UBE2E2: variants seen among roughly 807,000 people sequenced by gnomAD.
The protein encoded by UBE2E2 is ubiquitin conjugating enzyme E2 E2.
In UBE2E2, 6 loss-of-function variants were observed where a neutral mutation model predicts 24.7. The observed-to-expected ratio is 0.24, with a 90% CI of 0.13 to 0.48. UBE2E2 has a LOEUF of 0.48. Among genes scored for constraint, UBE2E2 ranks in the 20% least tolerant of loss-of-function variants. The pLI is 0.99. For synonymous variants in UBE2E2, 104 were observed against 83.6 expected, an observed-to-expected ratio of 1.24 and a Z score of -1.33; for missense variants, 169 against 245.0, an observed-to-expected ratio of 0.69 and a Z score of 2.07.
intron 3 of UBE2E2, among the ~76,000 whole-genome samples, chr3:23,360,796 T>A (rs1696092660): frequency 6.6e-6 from 1 of 152,136 alleles, no homozygotes; most frequent in Non-Finnish European, 1.5e-5. Context: ...TGAAACATTT[T>A]GAGCTCCTCA....
intron 3 of UBE2E2, among the ~76,000 whole-genome samples, chr3:23,451,108 A>C (rs558041996): frequency 6.6e-6 from 1 of 152,292 alleles, no homozygotes; most frequent in South Asian, 2.1e-4. Context: ...AAACTTTTTA[A>C]ATGTTTATTA....
At chr3:23,461,969 C>G (rs1698812445) in intron 3 of UBE2E2, among the ~76,000 whole-genome samples, 1 of 152,010 alleles carries the variant, frequency 6.6e-6, no homozygotes, top group South Asian at 2.1e-4. Context: ...TAATTTCATC[C>G]AATTCTGGTT....
intron 4 of UBE2E2, among the ~76,000 whole-genome samples, chr3:23,505,787 G>A (rs116809773): frequency 2.0e-3 from 305 of 152,166 alleles, no homozygotes; most frequent in African/African-American, 5.4e-3. Context: ...CAGCTAATGC[G>A]GAAGGCCTTC....
intron 3 of UBE2E2, among the ~76,000 whole-genome samples, chr3:23,363,349 GA>G: frequency 6.6e-6 from 1 of 152,198 alleles, no homozygotes; most frequent in Non-Finnish European, 1.5e-5. Flanking sequence ...AAAAGGCACA[GA>G]ATGACAGCTT....
intron 3 of UBE2E2, among the ~76,000 whole-genome samples, chr3:23,434,192 G>A (rs1698130634): frequency 6.6e-6 from 1 of 152,026 alleles, no homozygotes; most frequent in African/African-American, 2.4e-5. Context: ...TTATTACTGT[G>A]CAATTTTGTT....
chr3:23,507,873 C>A (rs1302546087), intron 4 of UBE2E2, among the ~76,000 whole-genome samples: 1 of 152,202 alleles, frequency 6.6e-6, no homozygotes, highest in African/African-American at 2.4e-5. Flanking sequence ...TGCCAGGAAT[C>A]CTCTTTCCGA....
chr3:23,422,973 A>G (rs980963036), intron 3 of UBE2E2, among the ~76,000 whole-genome samples: 11 of 152,190 alleles, frequency 7.2e-5, no homozygotes, highest in Non-Finnish European at 1.3e-4. Context: ...TCACCTTCCC[A>G]TACTAGGAAA....
chr3:23,535,201 C>A (rs920867396), intron 5 of UBE2E2, among the ~76,000 whole-genome samples: 2 of 152,174 alleles, frequency 1.3e-5, no homozygotes, highest in Admixed American at 1.3e-4. Flanking sequence ...TTAGTACCAG[C>A]CCTGCCTAAA....
At chr3:23,457,300 T>G (rs2125421725) in intron 3 of UBE2E2, among the ~76,000 whole-genome samples, 2 of 152,240 alleles carry the variant, frequency 1.3e-5, no homozygotes, top group East Asian at 3.8e-4. Context: ...TTTCTGGGGC[T>G]AAGCTTCTTC....
At chr3:23,264,689 A>T (rs1045722992) in intron 3 of UBE2E2, among the ~76,000 whole-genome samples, 11 of 152,254 alleles carry the variant, frequency 7.2e-5, no homozygotes, top group African/African-American at 2.2e-4. Flanking sequence ...TAGGAGAATG[A>T]AATGGATGGC....
chr3:23,261,536 C>T (rs965869637), intron 3 of UBE2E2, among the ~76,000 whole-genome samples: 3 of 152,030 alleles, frequency 2.0e-5, no homozygotes, highest in African/African-American at 7.2e-5. Context: ...GTATTACTAG[C>T]TATAGTTAAT....
intron 3 of UBE2E2, among the ~76,000 whole-genome samples, chr3:23,473,795 C>T (rs1699073745): frequency 6.6e-6 from 1 of 152,040 alleles, no homozygotes; most frequent in Admixed American, 6.5e-5. Flanking sequence ...TTTCTTTATC[C>T]ACGCATTGAT....
intron 3 of UBE2E2, among the ~76,000 whole-genome samples, chr3:23,282,262 G>C (rs1698505840): frequency 6.6e-6 from 1 of 152,140 alleles, no homozygotes; most frequent in South Asian, 2.1e-4. Context: ...CTTTCATCCA[G>C]GTCCTTCTGT....
intron 3 of UBE2E2, among the ~76,000 whole-genome samples, chr3:23,389,166 T>A (rs796095446): frequency 6.6e-6 from 1 of 152,132 alleles, no homozygotes; most frequent in Non-Finnish European, 1.5e-5. Context: ...ATAATCTATG[T>A]TTTTTTGTCA....
chr3:23,293,399 T>C lies in UBE2E2; in HGVS notation c.227+76087T>C, dbSNP rs185206862. Among the ~76,000 whole-genome samples, 258 of 152,354 alleles carry C rather than the reference T, an allele frequency of 1.7e-3. 1 individual carries two copies. Among genetic ancestry groups the C allele is most frequent in the African/African-American group, 6.0e-3 (249 of 41,586 alleles). ...TGAAGGAGTTGAGATCAAATTCATT[T>C]TGTCTAACACTATATCTCAAATGCA... is the stretch of plus-strand genomic sequence containing the variant. On this transcript the variant is annotated intron_variant, in intron 3 of 5. Coordinates refer to ENST00000396703, the MANE Select transcript of UBE2E2 (RefSeq NM_152653.4).
chr3:23,434,825 T>C (rs1285040621), intron 3 of UBE2E2, among the ~76,000 whole-genome samples: 2 of 152,200 alleles, frequency 1.3e-5, no homozygotes, highest in African/African-American at 4.8e-5. Flanking sequence ...CCTTGTCTCT[T>C]ATCTGAAGCA....
At chr3:23,320,274 C>G (rs757942531) in intron 3 of UBE2E2, among the ~76,000 whole-genome samples, 4 of 152,232 alleles carry the variant, frequency 2.6e-5, no homozygotes, top group Non-Finnish European at 5.9e-5. Flanking sequence ...TTATCTCCAA[C>G]TGGATGTGCT....
intron 3 of UBE2E2, among the ~76,000 whole-genome samples, chr3:23,403,092 C>T (rs1267244669): frequency 6.6e-6 from 1 of 152,178 alleles, no homozygotes; most frequent in African/African-American, 2.4e-5. Context: ...GGTTTGTATA[C>T]ATTCAGAATC....
chr3:23,219,836 T>C (rs1231992365), intron 3 of UBE2E2, among the ~76,000 whole-genome samples: 1 of 152,056 alleles, frequency 6.6e-6, no homozygotes, highest in African/African-American at 2.4e-5. Flanking sequence ...AGTCAGAGAG[T>C]GGAGAACGAT....
Sources: allele counts gnomAD v4.1 joint callset (sites outside exome capture counted in the v4.1 genomes callset), GRCh38; gene constraint gnomAD v4.1.1; transcripts MANE v1.5; gene names NCBI Gene and HGNC (gene_info 2026-07-23, HGNC 2026-07-21).